The following NEK11 variants were observed in gnomAD, a reference collection of about 807,000 sequenced individuals.
NEK11 encodes the protein serine/threonine-protein kinase Nek11.
In NEK11, 72 loss-of-function variants were observed where a neutral mutation model predicts 80.7. That is an observed-to-expected ratio of 0.89 (90% CI 0.74 to 1.08). The LOEUF (loss-of-function observed/expected upper bound fraction) is 1.08, where lower values mean the gene tolerates loss of function less well. Ranked by LOEUF, NEK11 falls within the 50% of genes least tolerant of loss-of-function variation. The pLI, the probability that NEK11 is intolerant of heterozygous loss-of-function variation, is 0.00. For missense variants in NEK11, 764 were observed against 763.6 expected (o/e 1.00, Z -0.01); for synonymous variants, 251 against 260.7 (o/e 0.96, Z 0.36).
Position 131,131,855 on chromosome 3 carries a change from T to A in NEK11, c.456-890T>A, listed in dbSNP as rs1325087314. 2.6e-5 allele frequency among the ~76,000 whole-genome samples: 4 copies of A among 152,114 alleles called. No homozygotes were observed. The South Asian group carries it at 8.3e-4, about 31-fold the overall frequency. ...ATATTCAGTGCTGTAAATTTCCCTC[T>A]AAGCACTGCTTTTGCTATATCACAC... On this transcript the variant is annotated intron_variant, in intron 5 of 17. Transcript: ENST00000383366.
chr3:131,335,936 G>C (rs1314770592), intron 17 of NEK11, among the ~76,000 whole-genome samples: 3 of 152,074 alleles, frequency 2.0e-5, no homozygotes, highest in Non-Finnish European at 2.9e-5. Context: ...TCTTCAAGGA[G>C]AACTACAAAC....
chr3:131,070,137 G>A (rs1327048728), intron 3 of NEK11, among the ~76,000 whole-genome samples: 5 of 152,108 alleles, frequency 3.3e-5, no homozygotes, highest in African/African-American at 1.2e-4. Context: ...ACATTGTTAT[G>A]CTCCTTAATT....
intron 14 of NEK11, among the ~76,000 whole-genome samples, chr3:131,226,856 G>T (rs148459713): frequency 6.6e-6 from 1 of 152,090 alleles, no homozygotes; most frequent in East Asian, 1.9e-4. Context: ...TATGTGTATA[G>T]GTATGTTATA....
At chr3:131,111,071 A>G (rs1289132089) in intron 5 of NEK11, among the ~76,000 whole-genome samples, 1 of 152,176 alleles carries the variant, frequency 6.6e-6, no homozygotes, top group African/African-American at 2.4e-5. Flanking sequence ...GCATATTGTT[A>G]GGTTATATGC....
At chr3:131,310,267 T>C in intron 17 of NEK11, among the ~76,000 whole-genome samples, 1 of 152,188 alleles carries the variant, frequency 6.6e-6, no homozygotes, top group Non-Finnish European at 1.5e-5. Context: ...ATAATTCAGA[T>C]ATTTGATTAT....
rs138710140 is a variant in NEK11, at chr3:131,087,091, T to G, written c.336+6503T>G. ...AGATTTTCAATAATGAAAGTTATTA[T>G]AATTGTTCGTTATTTCACTGTTACT... is the stretch of plus-strand genomic sequence containing the variant. On this transcript the variant is annotated intron_variant, in intron 4 of 17. Coordinates refer to ENST00000383366, the MANE Select transcript of NEK11 (RefSeq NM_024800.5). Among the ~76,000 whole-genome samples, 10 of 152,314 alleles carry G rather than the reference T, an allele frequency of 6.6e-5. No individual in the cohort carries two copies. In the East Asian group the frequency reaches 1.9e-3, roughly 29 times the overall value.
At chr3:131,237,962 A>T (rs2095459222) in intron 15 of NEK11, among the ~76,000 whole-genome samples, 1 of 152,122 alleles carries the variant, frequency 6.6e-6, no homozygotes, top group African/African-American at 2.4e-5. Context: ...ATTCAAAGCA[A>T]AGAAAGGCTT....
chr3:131,198,567 A>C (rs2094114039), intron 14 of NEK11, among the ~76,000 whole-genome samples: 1 of 152,150 alleles, frequency 6.6e-6, no homozygotes, highest in Admixed American at 6.5e-5. Flanking sequence ...TAACTTTTTC[A>C]GATACTAAGA....
chr3:131,182,467 G>C (rs890346042), intron 14 of NEK11, among the ~76,000 whole-genome samples: 1 of 152,146 alleles, frequency 6.6e-6, no homozygotes, highest in African/African-American at 2.4e-5. Context: ...CTCTGATCTT[G>C]CAGGATGGGT....
intron 16 of NEK11, among the ~76,000 whole-genome samples, chr3:131,254,518 A>T (rs1199189360): frequency 6.6e-6 from 1 of 152,170 alleles, no homozygotes; most frequent in Non-Finnish European, 1.5e-5. Context: ...TCTATGGAAG[A>T]ATTGAGGGGT....
chr3:131,319,934 A>T (rs555691925), intron 17 of NEK11, among the ~76,000 whole-genome samples: 1 of 152,204 alleles, frequency 6.6e-6, no homozygotes, highest in South Asian at 2.1e-4. Context: ...TATTTTTTCA[A>T]TATTTCTTGT....
chr3:131,337,787 A>G (rs1340871802), intron 17 of NEK11, among the ~76,000 whole-genome samples: 19 of 152,092 alleles, frequency 1.2e-4, no homozygotes, highest in Admixed American at 1.2e-3. Context: ...ATGAGAATCA[A>G]TCTGAACCCC....
intron 4 of NEK11, among the ~76,000 whole-genome samples, chr3:131,100,908 A>G (rs1308329251): frequency 6.6e-6 from 1 of 152,006 alleles, no homozygotes; most frequent in African/African-American, 2.4e-5. Flanking sequence ...TATTATTATT[A>G]TTGCAGAGCT....
intron 17 of NEK11, 24 bp from the exon 18 acceptor site, chr3:131,349,533 A>C (rs748259930): frequency 6.3e-7 from 1 of 1,587,340 alleles, no homozygotes; most frequent in Admixed American, 1.7e-5. Flanking sequence ...AACTCTTTGT[A>C]ATCTTTTGTA....
chr3:131,033,731 T>C (rs538191860), intron 3 of NEK11, among the ~76,000 whole-genome samples: 1 of 152,344 alleles, frequency 6.6e-6, no homozygotes, highest in African/African-American at 2.4e-5. Context: ...GTAAATACCA[T>C]ATTCCTTTAC....
rs756861338 is a variant in NEK11, at chr3:131,274,632, C to CTTTTTTTTTTTTTTT, written c.1718+1076_1718+1090dup. On this transcript the variant is annotated intron_variant, in intron 17 of 17. Coordinates refer to ENST00000383366, the MANE Select transcript of NEK11 (RefSeq NM_024800.5). ...CTCTCCAGCACCTGTTGTTTCCTGA[C>CTTTTTTTTTTTTTTT]TTTTTTTTTTTTTTTTTTTTTTTTT... is the stretch of plus-strand genomic sequence containing the variant. Among the ~76,000 whole-genome samples the CTTTTTTTTTTTTTTT allele has an allele frequency of 4.4e-5, 2 of 45,304 alleles. 1 individual carries two copies. The highest frequency in any genetic ancestry group is 8.1e-4 in the Admixed American group (2 of 2,464). The allele number at this position is 45,304 out of a possible 152,430, so 29.7% of individuals were successfully genotyped here.
intron 5 of NEK11, 29 bp from the exon 6 acceptor site, chr3:131,132,716 A>C (rs1429515342): frequency 8.2e-7 from 1 of 1,219,858 alleles, no homozygotes; most frequent in Non-Finnish European, 1.2e-6. Context: ...ATTCTGCATG[A>C]AGTTGTATAT....
chr3:131,056,949 C>T (rs1560197293), intron 3 of NEK11, among the ~76,000 whole-genome samples: 2 of 151,730 alleles, frequency 1.3e-5, no homozygotes, highest in South Asian at 2.1e-4. Context: ...AGGTTAGTTA[C>T]ATATGTATAC....
chr3:131,053,594 G>C (rs890565245), intron 3 of NEK11: 4 of 152,134 alleles, frequency 2.6e-5, no homozygotes, highest in Admixed American at 6.5e-5. Context: ...TAACTCTCCA[G>C]TGTCCATGAG....
Sources: allele counts gnomAD v4.1 joint callset (sites outside exome capture counted in the v4.1 genomes callset), GRCh38; gene constraint gnomAD v4.1.1; transcripts MANE v1.5; gene names NCBI Gene and HGNC (gene_info 2026-07-23, HGNC 2026-07-21).